AFF2: variants seen among roughly 807,000 people sequenced by gnomAD.
The protein encoded by AFF2 is ALF transcription elongation factor 2, also known as AF4/FMR2 family member 2.
A neutral mutation model predicts 76.9 loss-of-function variants in AFF2; 14 were observed. The observed-to-expected ratio is 0.18, with a 90% confidence interval of 0.12 to 0.28. AFF2 has a LOEUF of 0.28. Among genes scored for constraint, AFF2 ranks in the 10% least tolerant of loss-of-function variants. AFF2 has a pLI of 1.00. For missense variants in AFF2, 868 were observed against 1,001.1 expected (o/e 0.87, Z 1.79); for synonymous variants, 398 against 366.7 (o/e 1.09, Z -0.98).
At chrX:148,939,465 T>C (rs1557285349) in intron 9 of AFF2, among the ~76,000 whole-genome samples, 1 of 112,079 alleles carries the variant, frequency 8.9e-6, no homozygotes, top group African/African-American at 3.2e-5. Flanking sequence ...TACATTTGAC[T>C]CTCATACATA....
intron 1 of AFF2, among the ~76,000 whole-genome samples, chrX:148,596,658 G>A (rs1405115825): frequency 1.8e-5 from 2 of 112,329 alleles, no homozygotes; most frequent in Non-Finnish European, 3.8e-5. Flanking sequence ...TGCTGGGGCA[G>A]ATCCTAAATG....
intron 1 of AFF2, among the ~76,000 whole-genome samples, chrX:148,613,894 G>A (rs1324690634): frequency 5.4e-5 from 6 of 112,079 alleles, no homozygotes; most frequent in East Asian, 2.8e-4. Flanking sequence ...GTACTTAGCC[G>A]TGAATTAGAG....
At chrX:148,966,711 C>A in intron 13 of AFF2, 79 bp from the exon 14 acceptor site, 1 of 1,141,195 alleles carries the variant, frequency 8.8e-7, no homozygotes. Flanking sequence ...TCGTAACGTG[C>A]TTGACATTCA....
intron 3 of AFF2, among the ~76,000 whole-genome samples, chrX:148,695,036 G>T (rs1441103092): frequency 2.7e-5 from 3 of 109,749 alleles, no homozygotes; most frequent in African/African-American, 1.0e-4. Flanking sequence ...GGCTGGTCTC[G>T]AACTCCTGAC....
chrX:148,690,039 A>C (rs148058291), intron 3 of AFF2, among the ~76,000 whole-genome samples: 64 of 112,295 alleles, frequency 5.7e-4, no homozygotes, highest in African/African-American at 2.0e-3. Context: ...TGTTACCAAA[A>C]GACTCAGGTA....
rs2052646015 is a variant in AFF2 at position 148,525,253 on chromosome X, C to A, written c.47+24109C>A. Among the ~76,000 whole-genome samples the A allele has an allele frequency of 3.6e-5, 4 of 111,125 alleles. No individual in the cohort carries two copies. In the Admixed American group the frequency reaches 3.9e-4, roughly 11 times the overall value. ...CCTTTTCTTCTTTTCTATAACCAAGCATAATATATAAAGAGAGCTTTGACA... is the reference window on the plus strand; with the variant it reads ...CCTTTTCTTCTTTTCTATAACCAAGAATAATATATAAAGAGAGCTTTGACA... On this transcript the variant is annotated intron_variant, in intron 1 of 20. Coordinates refer to ENST00000370460, the MANE Select transcript of AFF2 (RefSeq NM_002025.4).
chrX:148,971,094 T>C (rs1172116887), intron 15 of AFF2, among the ~76,000 whole-genome samples: 1 of 109,666 alleles, frequency 9.1e-6, no homozygotes, highest in Non-Finnish European at 1.9e-5. Flanking sequence ...CTTGGTGTCA[T>C]GATGATAGAA....
At chrX:148,640,960 C>T (rs1263225566) in intron 1 of AFF2, among the ~76,000 whole-genome samples, 1 of 111,841 alleles carries the variant, frequency 8.9e-6, no homozygotes, top group African/African-American at 3.2e-5. Flanking sequence ...AGCTGGAACA[C>T]AGCTGGCTGA....
At chrX:148,678,800 A>G (rs241125) in intron 3 of AFF2, among the ~76,000 whole-genome samples, 1 of 110,656 alleles carries the variant, frequency 9.0e-6, no homozygotes, top group South Asian at 3.8e-4. Flanking sequence ...ATAAATATGT[A>G]CATTTCACCT....
intron 1 of AFF2, among the ~76,000 whole-genome samples, chrX:148,601,174 C>T (rs1426349699): frequency 8.9e-6 from 1 of 112,409 alleles, no homozygotes; most frequent in Non-Finnish European, 1.9e-5. Context: ...AGATGTAGCA[C>T]ATATATTGCT....
intron 1 of AFF2, among the ~76,000 whole-genome samples, chrX:148,632,570 G>A (rs1230726211): frequency 3.6e-5 from 4 of 111,323 alleles, no homozygotes; most frequent in African/African-American, 9.8e-5. Flanking sequence ...TACTCTCGCC[G>A]ATCATTGATT....
rs2072646441 is a variant in AFF2 at position 148,999,254 on chromosome X, T to C, written c.*7922T>C. 9.0e-6 allele frequency: 1 copy of C among 111,408 alleles called. No individual in the cohort carries two copies. The highest frequency in any genetic ancestry group is 3.3e-5 in the African/African-American group (1 of 30,622). 9.2% of individuals were successfully genotyped at this position (111,408 alleles called of 1,213,427 possible). A position where few individuals can be genotyped will look rare whatever the true frequency, so the allele number is the denominator to read the frequency against. On this transcript the variant is annotated 3_prime_UTR_variant, in exon 21 of 21. Transcript: ENST00000370460. ...GTTTGCTTTGTATCTAACAGGCACATTCACGTCTCGTGTACTCATATGAAG... is the reference window on the plus strand; with the variant it reads ...GTTTGCTTTGTATCTAACAGGCACACTCACGTCTCGTGTACTCATATGAAG...
intron 3 of AFF2, among the ~76,000 whole-genome samples, chrX:148,677,182 C>T (rs1428210980): frequency 9.0e-6 from 1 of 110,563 alleles, no homozygotes; most frequent in Non-Finnish European, 1.9e-5. Context: ...TAAAATGATG[C>T]TGAGATTTCT....
chrX:148,806,961 C>T (rs950106280), intron 3 of AFF2, among the ~76,000 whole-genome samples: 3 of 112,108 alleles, frequency 2.7e-5, no homozygotes, highest in African/African-American at 6.5e-5. Flanking sequence ...GCAGTGGGCC[C>T]GGGCTAGATG....
chrX:148,645,220 C>T (rs1227388753), intron 1 of AFF2, among the ~76,000 whole-genome samples: 2 of 111,660 alleles, frequency 1.8e-5, no homozygotes, highest in African/African-American at 3.3e-5. Context: ...ATTTACATAT[C>T]GCTTTATCAG....
In AFF2 at chrX:148,801,901, C is replaced by T. The variant is rs143409586; in HGVS notation, c.1042-7975C>T. ...CTCAATACACAATCAGGTTTACATCCCCACCATGCTGCTGAAACAGCTATG... is the reference window on the plus strand; with the variant it reads ...CTCAATACACAATCAGGTTTACATCTCCACCATGCTGCTGAAACAGCTATG... On this transcript the variant is annotated intron_variant, in intron 3 of 20. Transcript: ENST00000370460. 8.4e-3 allele frequency among the ~76,000 whole-genome samples: 936 copies of T among 111,474 alleles called. 12 individuals carry two copies. Among genetic ancestry groups the T allele is most frequent in the African/African-American group, 0.029 (892 of 30,666 alleles).
chrX:148,894,946 A>G, intron 8 of AFF2, among the ~76,000 whole-genome samples: 1 of 111,482 alleles, frequency 9.0e-6, no homozygotes, highest in South Asian at 3.7e-4. Context: ...ATAAAAGAGT[A>G]TAAAATCCTG....
At chrX:148,824,692 C>G (rs1031090061) in intron 4 of AFF2, among the ~76,000 whole-genome samples, 3 of 111,699 alleles carry the variant, frequency 2.7e-5, no homozygotes, top group African/African-American at 9.8e-5. Flanking sequence ...TTGTGTGACC[C>G]TCACACTTGC....
chrX:148,804,565 T>A (rs782658094), intron 3 of AFF2, among the ~76,000 whole-genome samples: 1 of 112,539 alleles, frequency 8.9e-6, no homozygotes, highest in Non-Finnish European at 1.9e-5. Flanking sequence ...ATTACCTTGT[T>A]TTACATGAAG....
Sources: allele counts gnomAD v4.1 joint callset (sites outside exome capture counted in the v4.1 genomes callset), GRCh38; gene constraint gnomAD v4.1.1; transcripts MANE v1.5; gene names NCBI Gene and HGNC (gene_info 2026-07-23, HGNC 2026-07-21).